GALM: variants seen among roughly 807,000 people sequenced by gnomAD.
GALM encodes the protein aldose 1-epimerase.
A neutral mutation model predicts 37.4 loss-of-function variants in GALM; 43 were observed. The observed-to-expected ratio is 1.15, with a 90% CI of 0.90 to 1.48. GALM has a LOEUF of 1.48. Among genes scored for constraint, GALM ranks in the 40% most tolerant of loss-of-function variants. GALM has a pLI of 0.00. For synonymous variants in GALM, 199 were observed against 170.6 expected (o/e 1.17, Z -1.30); for missense variants, 456 against 419.1 (o/e 1.09, Z -0.77).
intron 1 of GALM, among the ~76,000 whole-genome samples, chr2:38,674,042 G>C (rs1303614553): frequency 1.3e-5 from 2 of 152,068 alleles, no homozygotes; most frequent in Non-Finnish European, 2.9e-5. Context: ...GTACGTGCCA[G>C]ACTGTTAATA....
chr2:38,689,371 C>A (rs76378129), intron 3 of GALM, among the ~76,000 whole-genome samples: 3,363 of 152,260 alleles, frequency 0.022, 107 homozygotes, highest in African/African-American at 0.077. Flanking sequence ...TGTGTGGAAA[C>A]TGGGCTAGAG....
intron 4 of GALM, among the ~76,000 whole-genome samples, chr2:38,726,224 T>G (rs398041445): frequency 7.7e-6 from 1 of 129,166 alleles, no homozygotes; most frequent in Admixed American, 7.5e-5. Context: ...TTATTTTTTT[T>G]TTTTTATTTT....
intron 1 of GALM, among the ~76,000 whole-genome samples, chr2:38,667,556 C>A (rs1190342480): frequency 6.8e-6 from 1 of 147,408 alleles, no homozygotes; most frequent in Non-Finnish European, 1.5e-5. Flanking sequence ...GGTGGCAGAG[C>A]GAAACTCTAT....
intron 4 of GALM, among the ~76,000 whole-genome samples, chr2:38,706,068 C>A (rs1230960090): frequency 6.6e-6 from 1 of 151,870 alleles, no homozygotes. Flanking sequence ...TGCAGTGACA[C>A]GATTTTGGCT....
At chr2:38,698,504 T>C in intron 4 of GALM, 1 of 787,948 alleles carries the variant, frequency 1.3e-6, no homozygotes, top group South Asian at 1.7e-5. Flanking sequence ...GCAATTATTC[T>C]TAGCTACTTA....
At chr2:38,703,084 ATATATATATTTTTTTTTTT>A (rs1572530185) in intron 4 of GALM, among the ~76,000 whole-genome samples, 1 of 9,012 alleles carries the variant, frequency 1.1e-4, no homozygotes, top group African/African-American at 3.6e-4. Context: ...ATATATATAT[ATATATATATTTTTTTTTTT>A]TTTTTTTTTT....
intron 4 of GALM, among the ~76,000 whole-genome samples, chr2:38,725,347 C>T (rs1476755840): frequency 6.6e-6 from 1 of 150,410 alleles, no homozygotes; most frequent in Non-Finnish European, 1.5e-5. Context: ...CCAGCCTGCG[C>T]AACAAAGTGA....
intron 2 of GALM, among the ~76,000 whole-genome samples, chr2:38,676,723 A>G (rs13004674): frequency 0.11 from 16,296 of 152,274 alleles, 1,010 homozygotes; most frequent in South Asian, 0.22. Context: ...AGATCACGCC[A>G]CTGCACTCCA....
chr2:38,669,461 G>C (rs560677348), intron 1 of GALM: 1 of 152,214 alleles, frequency 6.6e-6, no homozygotes, highest in Non-Finnish European at 1.5e-5. Flanking sequence ...CGGTGAGCTC[G>C]GCTTTTGAGA....
intron 4 of GALM, among the ~76,000 whole-genome samples, chr2:38,725,469 G>A (rs1367931287): frequency 1.3e-5 from 2 of 152,056 alleles, no homozygotes; most frequent in Non-Finnish European, 1.5e-5. Flanking sequence ...CTGGCAGGTC[G>A]AGGCTGCATT....
intron 4 of GALM, among the ~76,000 whole-genome samples, chr2:38,709,979 C>T (rs558900419): frequency 6.6e-6 from 1 of 152,300 alleles, no homozygotes; most frequent in Non-Finnish European, 1.5e-5. Context: ...GGGCTGGAAG[C>T]ACAGCTGGGC....
chr2:38,686,515 T>G (rs1283538969), intron 3 of GALM, among the ~76,000 whole-genome samples: 1 of 151,628 alleles, frequency 6.6e-6, no homozygotes, highest in Non-Finnish European at 1.5e-5. Flanking sequence ...CCACCCACCT[T>G]GGCCTCCCAA....
chr2:38,728,840 G>A (rs977942672), intron 4 of GALM, among the ~76,000 whole-genome samples: 1 of 144,864 alleles, frequency 6.9e-6, no homozygotes, highest in African/African-American at 2.5e-5. Context: ...TTGGTACAAG[G>A]TTCTAGCACC....
chr2:38,675,541 TTTTGTGTGTGTGTGTG>T lies in GALM; in HGVS notation c.191-369_191-354del, dbSNP rs796777170. 3.2e-3 allele frequency among the ~76,000 whole-genome samples: 210 copies of T among 65,518 alleles called. 2 individuals carry two copies. The highest frequency in any genetic ancestry group is 0.011 in the African/African-American group (165 of 14,742). The allele number at this position is 65,518 out of a possible 152,430, so 43.0% of individuals were successfully genotyped here. A position where few individuals can be genotyped will look rare whatever the true frequency, so the allele number is the denominator to read the frequency against. On this transcript the variant is annotated intron_variant, in intron 1 of 6. Transcript: ENST00000272252. ...GGGTTTTTTTGTTTTTTTTTTTTTT[TTTTGTGTGTGTGTGTG>T]TGTGTGTGTGTGTGTGTGTGTGTGT...
In GALM at chr2:38,686,455, T is replaced by C. The variant is rs560240144; in HGVS notation, c.553-3358T>C. 1.4e-4 allele frequency among the ~76,000 whole-genome samples: 21 copies of C among 151,876 alleles called. No individual in the cohort carries two copies. In the East Asian group the frequency reaches 1.8e-3, roughly 13 times the overall value. ...TACTTTTTTGTATTTTTAGTAGAGATGGGGTTTCACCGTGTTAGCCAGGAT... is the reference window on the plus strand; with the variant it reads ...TACTTTTTTGTATTTTTAGTAGAGACGGGGTTTCACCGTGTTAGCCAGGAT... On this transcript the variant is annotated intron_variant, in intron 3 of 6. Transcript: ENST00000272252.
At chr2:38,726,379 AC>A (rs1666486748) in intron 4 of GALM, among the ~76,000 whole-genome samples, 1 of 150,936 alleles carries the variant, frequency 6.6e-6, no homozygotes, top group South Asian at 2.1e-4. Flanking sequence ...GGCGCCCGCC[AC>A]TACGCCCGGC....
intron 4 of GALM, among the ~76,000 whole-genome samples, chr2:38,708,524 G>A (rs1437182085): frequency 1.3e-5 from 2 of 152,002 alleles, no homozygotes. Flanking sequence ...GGCGGATCAT[G>A]AGGTCAGGAG....
intron 4 of GALM, among the ~76,000 whole-genome samples, chr2:38,720,807 G>C (rs377063904): frequency 1.3e-5 from 2 of 152,206 alleles, no homozygotes; most frequent in Non-Finnish European, 2.9e-5. Context: ...GCCTCTCCAC[G>C]TGACTTGAGC....
At chr2:38,722,362 C>A (rs186820651) in intron 4 of GALM, among the ~76,000 whole-genome samples, 108 of 152,262 alleles carry the variant, frequency 7.1e-4, no homozygotes, top group East Asian at 5.4e-3. Flanking sequence ...TGAAAACAAC[C>A]TCTAGTGGGC....
Sources: gnomAD v4.1 joint callset for allele counts (sites outside exome capture counted in the v4.1 genomes callset) on GRCh38, gnomAD v4.1.1 for gene constraint, MANE v1.5 for transcripts, NCBI Gene and HGNC (gene_info 2026-07-23, HGNC 2026-07-21) for gene names.